IGF1: variants seen among roughly 807,000 people sequenced by gnomAD.
The protein encoded by IGF1 is insulin like growth factor 1.
Under a neutral mutation model 13.8 loss-of-function variants are expected in IGF1, and 4 were observed. That is an observed-to-expected ratio of 0.29 (90% CI 0.14 to 0.66). The LOEUF is 0.66. IGF1 is among the 30% of genes least tolerant of loss of function. The pLI is 0.78. For synonymous variants in IGF1, 76 were observed against 72.6 expected (o/e 1.05, Z -0.23); for missense variants, 124 against 188.5 (o/e 0.66, Z 2.00).
Position 102,419,532 on chromosome 12 carries a change from T to C in IGF1, c.379A>G (p.Thr127Ala). The change falls in exon 3 of 4, where the codon ACC becomes GCC. Residue 127 changes from threonine (T) to alanine (A), a missense_variant. By Grantham distance (58) the Thr-to-Ala change is moderately conservative. Around this residue, in one of 2 missense-constraint regions of IGF1, gnomAD observed 99 missense variants for 171.4 expected, o/e 0.58. Coordinates refer to ENST00000337514, the MANE Select transcript of IGF1 (RefSeq NM_000618.5). Reference sequence around the variant, plus strand: ...ACCTTCTGGGTCTTGGGCATGTCGGTGTGGCGCTGGGCACGGACAGAGCGA... The same window carrying C: ...ACCTTCTGGGTCTTGGGCATGTCGGCGTGGCGCTGGGCACGGACAGAGCGA... ...SARSVRAQRH[T>A]DMPKTQKEVH... 1 of 1,613,540 alleles carries C rather than the reference T, an allele frequency of 6.2e-7. No individual in the cohort carries two copies. Among genetic ancestry groups the C allele is most frequent in the Non-Finnish European group, 8.5e-7 (1 of 1,179,948 alleles).
At chr12:102,412,726 T>C (rs766020857) in intron 3 of IGF1, among the ~76,000 whole-genome samples, 2 of 152,228 alleles carry the variant, frequency 1.3e-5, no homozygotes, top group Non-Finnish European at 2.9e-5. Context: ...ATAAGAACTT[T>C]CTTAGGGGCT....
intron 2 of IGF1, among the ~76,000 whole-genome samples, chr12:102,462,193 A>G (rs1225762999): frequency 6.6e-6 from 1 of 152,202 alleles, no homozygotes; most frequent in African/African-American, 2.4e-5. Context: ...TGTTAATCAA[A>G]CCAATTAGCC....
intron 1 of IGF1, among the ~76,000 whole-genome samples, chr12:102,476,636 C>T (rs1314979002): frequency 3.9e-5 from 6 of 152,194 alleles, no homozygotes; most frequent in Admixed American, 3.9e-4. Flanking sequence ...GTGTATAGGG[C>T]ACTGGGCTCA....
At chr12:102,468,615 ATGT>A (rs1054786658) in intron 2 of IGF1, among the ~76,000 whole-genome samples, 6 of 152,234 alleles carry the variant, frequency 3.9e-5, no homozygotes, top group African/African-American at 1.4e-4. Context: ...GACAAACAAA[ATGT>A]TGTGTTGTCA....
chr12:102,407,986 T>A (rs905862983), intron 3 of IGF1, among the ~76,000 whole-genome samples: 1 of 152,166 alleles, frequency 6.6e-6, no homozygotes, highest in African/African-American at 2.4e-5. Context: ...TTCAATAGAC[T>A]ATGTTTCCAT....
At position 102,475,993 on chromosome 12, in the gene IGF1, G is replaced by A. The variant is rs569219285; in HGVS notation, c.64-194C>T. The stretch of plus-strand genomic sequence containing the variant: ...AGCGTGTCTCGGCATCCAACAACCT[G>A]TGTTTATTCCCCTGGCTACTGTGGA... On this transcript the variant is annotated intron_variant, in intron 1 of 3. Transcript: ENST00000337514. Among the ~76,000 whole-genome samples, 27 of 152,314 alleles carry A rather than the reference G, an allele frequency of 1.8e-4. No homozygotes were observed. The South Asian group carries it at 5.2e-3, about 29-fold the overall frequency.
chr12:102,455,898 A>G (rs1402132964), intron 2 of IGF1, among the ~76,000 whole-genome samples: 1 of 152,220 alleles, frequency 6.6e-6, no homozygotes, highest in Non-Finnish European at 1.5e-5. Flanking sequence ...CCATATGTAA[A>G]GAGTTGGGAT....
chr12:102,413,134 T>C (rs2136973082), intron 3 of IGF1, among the ~76,000 whole-genome samples: 1 of 152,326 alleles, frequency 6.6e-6, no homozygotes, highest in East Asian at 1.9e-4. Context: ...GAGGTGAGCA[T>C]ACAAACTGGA....
intron 3 of IGF1, among the ~76,000 whole-genome samples, chr12:102,409,248 T>G (rs1874429115): frequency 6.6e-6 from 1 of 152,218 alleles, no homozygotes; most frequent in African/African-American, 2.4e-5. Context: ...ATCAGTCTGT[T>G]CTGGCTTGTG....
chr12:102,446,429 A>G lies in IGF1; in HGVS notation c.221-26739T>C, dbSNP rs139938404. 6.9e-3 allele frequency among the ~76,000 whole-genome samples: 1,045 copies of G among 152,138 alleles called. 9 individuals carry two copies. Among genetic ancestry groups the G allele is most frequent in the African/African-American group, 0.024 (995 of 41,502 alleles). ...TGTTATTGGTCTATTCAGGGATTCA[A>G]CTTCTTCCTGGTTTAGTCTTGGCAG... On this transcript the variant is annotated intron_variant, in intron 2 of 3. Transcript: ENST00000337514.
At chr12:102,471,728 A>G (rs955679480) in intron 2 of IGF1, among the ~76,000 whole-genome samples, 1 of 152,210 alleles carries the variant, frequency 6.6e-6, no homozygotes. Flanking sequence ...TAAAGCATAT[A>G]CAGTTTATTT....
chr12:102,461,745 T>C (rs760479897), intron 2 of IGF1, among the ~76,000 whole-genome samples: 1 of 152,198 alleles, frequency 6.6e-6, no homozygotes, highest in Non-Finnish European at 1.5e-5. Flanking sequence ...GGGGTTATCC[T>C]TGGAGCAGTT....
In IGF1 at chr12:102,399,107, A is replaced by ATG. The variant is rs3032446; in HGVS notation, c.*3398_*3399dup. The ATG allele has an allele frequency of 0.26, 35,635 of 137,532 alleles. 4,391 individuals are homozygous for ATG. The highest frequency in any genetic ancestry group is 0.33 in the Middle Eastern group (91 of 274). 8.5% of individuals were successfully genotyped at this position (137,532 alleles called of 1,614,324 possible). On this transcript the variant is annotated 3_prime_UTR_variant, in exon 4 of 4. Transcript: ENST00000337514. ...GTATTCCATTGGATCCTTAGGGTGA[A>ATG]TGTGTGTGTGTGTGTGTGTGTGTGT...
rs200146786 is a variant in IGF1 at position 102,396,788 on chromosome 12, CTTT to C, written c.*5716_*5718del. On this transcript the variant is annotated 3_prime_UTR_variant, in exon 4 of 4. Transcript: ENST00000337514. ...AGTAACATTTGGTTTTGTGTCCTCT[CTTT>C]TTTTTTTTTTACTTTAAAAAAGCTT... is the stretch of plus-strand genomic sequence containing the variant. 8.5e-5 allele frequency: 32 copies of C among 377,684 alleles called. No homozygotes were observed. The highest frequency in any genetic ancestry group is 2.7e-4 in the South Asian group (2 of 7,408). 23.4% of individuals were successfully genotyped at this position (377,684 alleles called of 1,614,324 possible).
intron 2 of IGF1, among the ~76,000 whole-genome samples, chr12:102,447,742 G>A (rs116286466): frequency 5.9e-5 from 9 of 152,076 alleles, no homozygotes; most frequent in East Asian, 1.9e-4. Context: ...AAACTGGACC[G>A]CTTCCTTACA....
intron 3 of IGF1, among the ~76,000 whole-genome samples, chr12:102,417,328 C>T (rs142189330): frequency 1.7e-3 from 263 of 152,276 alleles, no homozygotes; most frequent in Middle Eastern, 0.01. Context: ...AGAAATGCAG[C>T]CTCCAATGAC....
At chr12:102,474,531 ACACACATACCC>A (rs1214259499) in intron 2 of IGF1, among the ~76,000 whole-genome samples, 3 of 152,168 alleles carry the variant, frequency 2.0e-5, no homozygotes, top group Non-Finnish European at 4.4e-5. Flanking sequence ...CCAGTCATAC[ACACACATACCC>A]CACCTGCCTA....
intron 2 of IGF1, among the ~76,000 whole-genome samples, chr12:102,459,991 A>G (rs1879767592): frequency 1.3e-5 from 2 of 152,228 alleles, no homozygotes; most frequent in African/African-American, 4.8e-5. Context: ...GGCATAGGTC[A>G]ATGTATGCTG....
intron 3 of IGF1, among the ~76,000 whole-genome samples, chr12:102,405,525 G>A (rs1874083224): frequency 6.6e-6 from 1 of 152,090 alleles, no homozygotes; most frequent in African/African-American, 2.4e-5. Context: ...ATGGTCTGTA[G>A]CTGATCAAAC....
Sources: allele counts gnomAD v4.1 joint callset (sites outside exome capture counted in the v4.1 genomes callset), GRCh38; gene constraint gnomAD v4.1.1; regional missense constraint gnomAD v4.1.1; transcripts MANE v1.5; gene names NCBI Gene and HGNC (gene_info 2026-07-23, HGNC 2026-07-21).